The following TRAF3IP1 variants were observed in gnomAD, a reference collection of about 807,000 sequenced individuals.
The protein encoded by TRAF3IP1 is intraflagellar transport 54.
In TRAF3IP1, 53 loss-of-function variants were observed where a neutral mutation model predicts 89.9. That is an observed-to-expected ratio of 0.59 (90% CI 0.47 to 0.74). The LOEUF (loss-of-function observed/expected upper bound fraction) is 0.74, where lower values mean the gene tolerates loss of function less well. TRAF3IP1 is among the 30% of genes least tolerant of loss of function. TRAF3IP1 has a pLI of 0.00. For synonymous variants in TRAF3IP1, 311 were observed against 322.1 expected (o/e 0.97, Z 0.37); for missense variants, 806 against 866.1 (o/e 0.93, Z 0.87).
intron 15 of TRAF3IP1, among the ~76,000 whole-genome samples, chr2:238,364,112 A>G (rs745456317): frequency 4.6e-5 from 7 of 152,132 alleles, no homozygotes; most frequent in Non-Finnish European, 1.0e-4. Flanking sequence ...TGTGCTTTTC[A>G]CATAAATTGT....
At chr2:238,334,509 A>G (rs1014410719) in intron 7 of TRAF3IP1, among the ~76,000 whole-genome samples, 2 of 152,236 alleles carry the variant, frequency 1.3e-5, no homozygotes, top group African/African-American at 4.8e-5. Flanking sequence ...GCTGAAGGAT[A>G]GTACCTTATC....
At chr2:238,347,385 C>T (rs1241538917) in intron 9 of TRAF3IP1, 70 bp from the exon 10 acceptor site, 2 of 1,531,516 alleles carry the variant, frequency 1.3e-6, no homozygotes, top group African/African-American at 1.4e-5. Flanking sequence ...TTCTCCAATT[C>T]TGTTCTCATC....
chr2:238,339,999 C>T (rs1183962444), intron 8 of TRAF3IP1, among the ~76,000 whole-genome samples: 1 of 150,998 alleles, frequency 6.6e-6, no homozygotes, highest in African/African-American at 2.4e-5. Flanking sequence ...CCTGATGCCA[C>T]CTGCTGGGGA....
intron 9 of TRAF3IP1, 170 bp from the exon 10 acceptor site, chr2:238,347,280 TAAAAC>T (rs1698937467): frequency 3.1e-6 from 2 of 635,010 alleles, no homozygotes; most frequent in East Asian, 2.7e-5. Flanking sequence ...TCTTTGAAAA[TAAAAC>T]AAAATGGCAA....
Position 238,379,550 on chromosome 2 carries a change from C to A in TRAF3IP1, c.1690-17909C>A, listed in dbSNP as rs1386471483. Among the ~76,000 whole-genome samples the A allele has an allele frequency of 6.6e-6, 1 of 152,200 alleles. No homozygotes were observed. The highest frequency in any genetic ancestry group is 1.9e-4 in the East Asian group (1 of 5,194). ...GTGAATTTTCCTTTGCTCATCCAGT[C>A]CTTAGACTCACTTCTTCTATTCATA... On this transcript the variant is annotated intron_variant, in intron 15 of 16. Coordinates refer to ENST00000373327, the MANE Select transcript of TRAF3IP1 (RefSeq NM_015650.4). The surrounding 1 kb of genome is among the most constrained non-coding windows in gnomAD (Gnocchi z 4.0).
chr2:238,351,864 TGTGCGC>T lies in TRAF3IP1; in HGVS notation c.1452-961_1452-956del, dbSNP rs1559371380. Among the ~76,000 whole-genome samples, 1 of 112,240 alleles carries T rather than the reference TGTGCGC, an allele frequency of 8.9e-6. No homozygotes were observed. The highest frequency in any genetic ancestry group is 4.4e-5 in the African/African-American group (1 of 22,536). 73.6% of individuals were successfully genotyped at this position (112,240 alleles called of 152,430 possible). The stretch of plus-strand genomic sequence containing the variant: ...GTGTGTGTGTGTGTGTGTGTGTGTG[TGTGCGC>T]GCGCGCGCGTGTGCGTGCATGTGCT... On this transcript the variant is annotated intron_variant, in intron 12 of 16. Coordinates refer to ENST00000373327, the MANE Select transcript of TRAF3IP1 (RefSeq NM_015650.4). The surrounding 1 kb of genome is among the most constrained non-coding windows in gnomAD (Gnocchi z 5.2).
chr2:238,389,066 T>C (rs1215051896), intron 15 of TRAF3IP1, among the ~76,000 whole-genome samples: 1 of 152,086 alleles, frequency 6.6e-6, no homozygotes. Context: ...AGGCTTTTGT[T>C]TATTGGGTTT....
chr2:238,344,628 G>C, intron 9 of TRAF3IP1, 30 bp downstream of exon 9: 1 of 1,595,804 alleles, frequency 6.3e-7, no homozygotes, highest in Admixed American at 1.7e-5. Flanking sequence ...GCCCTTTCCT[G>C]GCGAGAGCAG....
chr2:238,333,845 A>G, intron 6 of TRAF3IP1, 115 bp from the exon 7 acceptor site: 1 of 823,782 alleles, frequency 1.2e-6, no homozygotes, highest in South Asian at 1.7e-5. Flanking sequence ...GCATATGGGC[A>G]CTATTGCTGG....
intron 3 of TRAF3IP1, among the ~76,000 whole-genome samples, chr2:238,327,449 C>CGTGA: frequency 6.6e-6 from 1 of 152,294 alleles, no homozygotes; most frequent in South Asian, 2.1e-4. Flanking sequence ...GGAATGAGTG[C>CGTGA]GTGAGTCAGT....
chr2:238,333,572 G>A (rs1304671159), intron 6 of TRAF3IP1, among the ~76,000 whole-genome samples: 1 of 152,188 alleles, frequency 6.6e-6, no homozygotes, highest in African/African-American at 2.4e-5. Context: ...CCTTTGATTT[G>A]TGTTCTGTTT....
chr2:238,362,227 T>G (rs1699693629), intron 15 of TRAF3IP1, among the ~76,000 whole-genome samples: 1 of 152,196 alleles, frequency 6.6e-6, no homozygotes, highest in African/African-American at 2.4e-5. Context: ...CATCTTAATG[T>G]TATTAGCTGT....
intron 15 of TRAF3IP1, among the ~76,000 whole-genome samples, chr2:238,389,190 G>A (rs554703295): frequency 3.3e-5 from 5 of 152,238 alleles, no homozygotes; most frequent in African/African-American, 1.2e-4. Context: ...TCCTGCTTCC[G>A]AGAGGGACTT....
At chr2:238,334,079 T>A in intron 7 of TRAF3IP1, 44 bp downstream of exon 7, 1 of 951,076 alleles carries the variant, frequency 1.1e-6, no homozygotes, top group Non-Finnish European at 1.4e-6. Flanking sequence ...TGGATATTAG[T>A]TTTTTTTTTT....
At chr2:238,344,884 CG>C (rs1373786618) in intron 9 of TRAF3IP1, among the ~76,000 whole-genome samples, 1 of 152,128 alleles carries the variant, frequency 6.6e-6, no homozygotes, top group Non-Finnish European at 1.5e-5. Context: ...TGAAAAGTTT[CG>C]GGGTCACTAC....
In TRAF3IP1 at chr2:238,356,084, A is replaced by G. The variant is rs2106331257; in HGVS notation, c.1689+4A>G. The G allele has an allele frequency of 6.2e-7, 1 of 1,611,046 alleles. No individual in the cohort carries two copies. The highest frequency in any genetic ancestry group is 8.5e-7 in the Non-Finnish European group (1 of 1,177,402). On this transcript the variant is annotated splice_donor_region_variant and intron_variant, in intron 15 of 16. Transcript: ENST00000373327. Reference sequence around the variant, plus strand: ...GTCACCCAAACCTGGGGAGAAGGTAATGGAATGATTTCCATAAACACTGGC... The same window carrying G: ...GTCACCCAAACCTGGGGAGAAGGTAGTGGAATGATTTCCATAAACACTGGC...
At chr2:238,353,122 T>G (rs1699247111) in intron 13 of TRAF3IP1, 51 bp from the exon 14 acceptor site, 1 of 1,611,176 alleles carries the variant, frequency 6.2e-7, no homozygotes, top group Non-Finnish European at 8.5e-7. Context: ...GCATGATCTT[T>G]AAAATTCAAC....
At chr2:238,380,710 A>C (rs1325195077) in intron 15 of TRAF3IP1, among the ~76,000 whole-genome samples, 1 of 152,184 alleles carries the variant, frequency 6.6e-6, no homozygotes, top group East Asian at 1.9e-4. Context: ...TGACCCCAAC[A>C]ATATTTTAAA....
At chr2:238,353,086 T>A in intron 13 of TRAF3IP1, 87 bp from the exon 14 acceptor site, 1 of 1,577,010 alleles carries the variant, frequency 6.3e-7, no homozygotes. Flanking sequence ...GTTAATTTTG[T>A]TGTTCTTTTT....
Sources: gnomAD v4.1 joint callset for allele counts (sites outside exome capture counted in the v4.1 genomes callset) on GRCh38, gnomAD v4.1.1 for gene constraint, Gnocchi (gnomAD v3.1) non-coding constraint, MANE v1.5 for transcripts, NCBI Gene and HGNC (gene_info 2026-07-23, HGNC 2026-07-21) for gene names.